PARP14: variants seen among roughly 807,000 people sequenced by gnomAD.
PARP14 encodes poly(ADP-ribose) polymerase family member 14.
PARP14 carries 59 observed loss-of-function variants against 154.2 expected under a neutral mutation model. That is an observed-to-expected ratio of 0.38 (90% CI 0.31 to 0.48). The LOEUF (loss-of-function observed/expected upper bound fraction) is 0.48. Among genes scored for constraint, PARP14 ranks in the 20% least tolerant of loss-of-function variants. The probability of loss-of-function intolerance (pLI) is 0.98; values close to 1 mark genes in which losing one functional copy is unlikely to be tolerated. For missense variants in PARP14, 1,734 were observed against 2,131.6 expected, an observed-to-expected ratio of 0.81 and a Z score of 3.67; for synonymous variants, 720 against 780.5, an observed-to-expected ratio of 0.92 and a Z score of 1.29.
rs546887108 is a variant in PARP14, at chr3:122,729,496, G to A, written c.*899G>A. ...GTTGCCCAGGCTGGAGTGCAATGGC[G>A]CGATCTCAGCTCACTGCAGCCACTG... is the stretch of plus-strand genomic sequence containing the variant. On this transcript the variant is annotated 3_prime_UTR_variant, in exon 17 of 17. Transcript: ENST00000474629. The A allele has an allele frequency of 1.2e-3, 189 of 151,294 alleles. No individual in the cohort carries two copies. The highest frequency in any genetic ancestry group is 4.4e-3 in the African/African-American group (179 of 40,662). The allele number at this position is 151,294 out of a possible 1,614,324, so 9.4% of individuals were successfully genotyped here.
In PARP14 at chr3:122,714,356, T is replaced by A. The variant is rs1932930921; in HGVS notation, c.3927T>A (p.Ser1309Arg). The stretch of plus-strand genomic sequence containing the variant: ...TAATTGGTGGAAATGATGTCAAGAG[T>A]TCAGTTTCCTCTGTTTTGCAGGAGT... ...IHVIGGNDVK[S>R]SVSSVLQECE... The change falls in exon 12 of 17, where the codon AGT becomes AGA. Residue 1309 changes from serine to arginine, a missense_variant. Transcript: ENST00000474629. 6.3e-7 allele frequency: 1 copy of A among 1,588,174 alleles called. No individual in the cohort carries two copies. The highest frequency in any genetic ancestry group is 1.9e-5 in the Admixed American group (1 of 51,660).
Position 122,701,133 on chromosome 3 carries a change from T to C in PARP14, c.2579T>C (p.Leu860Pro). The C allele has an allele frequency of 6.2e-7, 1 of 1,613,880 alleles. No homozygotes were observed. Among genetic ancestry groups the C allele is most frequent in the Non-Finnish European group, 8.5e-7 (1 of 1,179,864 alleles). Residue 860 changes from leucine to proline, a missense_variant, in exon 6 of 17, where the codon CTA (leucine) becomes CCA (proline). Around this residue, in one of 2 missense-constraint regions of PARP14, gnomAD observed 1,646 missense variants for 1,976.0 expected, o/e 0.83. Transcript: ENST00000474629. The surrounding 1 kb of genome is among the most constrained non-coding windows in gnomAD (Gnocchi z 4.0). Reference sequence around the variant, plus strand: ...ATAGTGAAGAGAGAGGGCAGACTCCTACCGGGCAATGCCACCATCTCCAAG... The same window carrying C: ...ATAGTGAAGAGAGAGGGCAGACTCCCACCGGGCAATGCCACCATCTCCAAG... Reference protein sequence around the residue: ...DQIVKREGRLLPGNATISKAG... With the variant: ...DQIVKREGRLPPGNATISKAG...
Position 122,695,405 on chromosome 3 carries a change from CTTT to C in PARP14, c.599-12_599-10del. The C allele has an allele frequency of 4.4e-6, 4 of 919,312 alleles. No homozygotes were observed. Among genetic ancestry groups the C allele is most frequent in the South Asian group, 1.8e-5 (1 of 54,092 alleles). The allele number at this position is 919,312 out of a possible 1,614,324, so 56.9% of individuals were successfully genotyped here. ...CAATAAAAATTTACTGATTTTCTTT[CTTT>C]TTTTTTTTGGTTTGTAGATACTATA... On this transcript the variant is annotated intron_variant, in intron 4 of 16. Coordinates refer to ENST00000474629, the MANE Select transcript of PARP14 (RefSeq NM_017554.3).
chr3:122,730,262 T>C lies in PARP14; in HGVS notation c.*1665T>C, dbSNP rs1933393711. On this transcript the variant is annotated 3_prime_UTR_variant, in exon 17 of 17. Transcript: ENST00000474629. ...ATGGCCTCTAGATTAATGCCACCGA[T>C]TCAGGAACACCTCCGACAGTCTTGA... The C allele has an allele frequency of 6.6e-6, 1 of 152,216 alleles. No individual in the cohort carries two copies. Among genetic ancestry groups the C allele is most frequent in the African/African-American group, 2.4e-5 (1 of 41,430 alleles). The allele number at this position is 152,216 out of a possible 1,614,324, so 9.4% of individuals were successfully genotyped here. A position where few individuals can be genotyped will look rare whatever the true frequency, so the allele number is the denominator to read the frequency against.
In PARP14 at chr3:122,713,434, G is replaced by A. The variant is rs747185363; in HGVS notation, c.3630G>A (p.Gly1210=). The change falls in exon 10 of 17, where the codon GGG becomes GGA. Residue 1210 remains glycine, a synonymous_variant. Coordinates refer to ENST00000474629, the MANE Select transcript of PARP14 (RefSeq NM_017554.3). The part of the protein sequence containing the change: ...PKAKDTQGFY[G]TVSSPDSGVY... ...TTCTTTTCTTTTCAGGTTTTTATGG[G>A]ACTGTTTCTAGCCCTGATTCAGGTG... is the stretch of plus-strand genomic sequence containing the variant. 1 of 1,609,790 alleles carries A rather than the reference G, an allele frequency of 6.2e-7. No homozygotes were observed. Among genetic ancestry groups the A allele is most frequent in the African/African-American group, 1.3e-5 (1 of 74,760 alleles).
intron 15 of PARP14, 24 bp from the exon 16 acceptor site, chr3:122,727,788 A>ATATT (rs773823841): frequency 6.5e-7 from 1 of 1,528,018 alleles, no homozygotes; most frequent in South Asian, 1.2e-5. Flanking sequence ...AACTGGCAGA[A>ATATT]TATTATCCTT....
rs1186965482 is a variant in PARP14 at position 122,729,248 on chromosome 3, T to G, written c.*651T>G. ...TGACGGAACTTCATTCTTCACAAAC[T>G]AGCCAGTGACATGTGGGACAGCTCT... On this transcript the variant is annotated 3_prime_UTR_variant, in exon 17 of 17. Transcript: ENST00000474629. 1 of 152,968 alleles carries G rather than the reference T, an allele frequency of 6.5e-6. No homozygotes were observed. The highest frequency in any genetic ancestry group is 1.5e-5 in the Non-Finnish European group (1 of 68,660). 9.5% of individuals were successfully genotyped at this position (152,968 alleles called of 1,614,324 possible). A position where few individuals can be genotyped will look rare whatever the true frequency, so the allele number is the denominator to read the frequency against.
At chr3:122,696,979 G>A (rs890373630) in intron 5 of PARP14, among the ~76,000 whole-genome samples, 3 of 151,848 alleles carry the variant, frequency 2.0e-5, no homozygotes, top group African/African-American at 7.3e-5. Context: ...TTTGAGACAG[G>A]GTCTCACTGT....
chr3:122,715,631 TATCTATCTATCTATCTATCTATCG>T (rs1163901507), intron 12 of PARP14, among the ~76,000 whole-genome samples: 4 of 138,214 alleles, frequency 2.9e-5, no homozygotes, highest in Non-Finnish European at 5.1e-5. Context: ...TCTATCTATC[TATCTATCTATCTATCTATCTATCG>T]ATCTGTCTAT....
chr3:122,692,275 T>C (rs766475840), intron 3 of PARP14, 26 bp from the exon 4 acceptor site: 1 of 1,596,972 alleles, frequency 6.3e-7, no homozygotes, highest in Admixed American at 1.7e-5. Flanking sequence ...TAACATCTTG[T>C]ACCTCTTTTG....
Position 122,708,228 on chromosome 3 carries a change from T to A in PARP14, c.3579T>A (p.Asn1193Lys), listed in dbSNP as rs1254891279. Residue 1193 changes from asparagine (N) to lysine (K), a missense_variant, in exon 9 of 17, where the codon AAT becomes AAA. Physicochemically the swap from Asn to Lys is moderately conservative, Grantham distance 94. Around this residue, in one of 2 missense-constraint regions of PARP14, gnomAD observed 1,646 missense variants for 1,976.0 expected, o/e 0.83. Transcript: ENST00000474629. ...SDEFARRANGNLVSDKIPKAK... is the reference protein window; with the variant it reads ...SDEFARRANGKLVSDKIPKAK... The stretch of plus-strand genomic sequence containing the variant: ...AATTTGCCAGAAGGGCTAATGGAAA[T>A]CTCGTCAGTGACAAAATTCCGAAGG... The A allele has an allele frequency of 6.3e-7, 1 of 1,576,104 alleles. No homozygotes were observed. The highest frequency in any genetic ancestry group is 1.8e-5 in the Admixed American group (1 of 54,844).
intron 3 of PARP14, among the ~76,000 whole-genome samples, chr3:122,691,708 GT>G (rs1421964342): frequency 6.6e-6 from 1 of 152,144 alleles, no homozygotes; most frequent in Admixed American, 6.6e-5. Flanking sequence ...ATAAACATGT[GT>G]CTCGCTTTTG....
At chr3:122,720,167 G>T in intron 14 of PARP14, 88 bp from the exon 15 acceptor site, 3 of 1,291,136 alleles carry the variant, frequency 2.3e-6, no homozygotes, top group East Asian at 4.9e-5. Context: ...GCTTAGAATT[G>T]GGAGATAGTA....
intron 9 of PARP14, among the ~76,000 whole-genome samples, chr3:122,708,567 CA>C (rs1451068502): frequency 6.6e-6 from 1 of 152,172 alleles, no homozygotes; most frequent in Non-Finnish European, 1.5e-5. Flanking sequence ...ATTTGAGAGA[CA>C]ATACTCACCA....
intron 4 of PARP14, among the ~76,000 whole-genome samples, chr3:122,693,918 C>T (rs896640690): frequency 6.6e-6 from 1 of 151,882 alleles, no homozygotes; most frequent in African/African-American, 2.4e-5. Context: ...GTAGTAATGA[C>T]TGAAAGGGAG....
intron 8 of PARP14, among the ~76,000 whole-genome samples, chr3:122,707,380 C>CAAATAAATAGAT (rs1553747194): frequency 7.2e-6 from 1 of 139,622 alleles, no homozygotes; most frequent in Non-Finnish European, 1.5e-5. Flanking sequence ...GACTCCATCT[C>CAAATAAATAGAT]AAATAAATAA....
rs1317563583 is a variant in PARP14, at chr3:122,716,606, G to C, written c.4001-1465G>C. ...GGAAAGGTGAAGGACAAACCCAGCT[G>C]GTCCCTAGGTACTCCTGACTTTACT... is the stretch of plus-strand genomic sequence containing the variant. On this transcript the variant is annotated intron_variant, in intron 12 of 16. Transcript: ENST00000474629. Among the ~76,000 whole-genome samples, 2 of 152,248 alleles carry C rather than the reference G, an allele frequency of 1.3e-5. 1 individual carries two copies. The highest frequency in any genetic ancestry group is 4.2e-4 in the South Asian group (2 of 4,816).
At chr3:122,727,532 G>A (rs1356938037) in intron 15 of PARP14, among the ~76,000 whole-genome samples, 3 of 152,292 alleles carry the variant, frequency 2.0e-5, no homozygotes, top group Middle Eastern at 3.4e-3. Flanking sequence ...CAGAGGCTGG[G>A]TCAGCAGAAT....
rs1411706253 is a variant in PARP14, at chr3:122,700,505, G to T, written c.1951G>T (p.Val651Leu). 6.2e-7 allele frequency: 1 copy of T among 1,607,458 alleles called. No individual in the cohort carries two copies. The highest frequency in any genetic ancestry group is 8.5e-7 in the Non-Finnish European group (1 of 1,176,472). The stretch of plus-strand genomic sequence containing the variant: ...AGCTGAAGTCATCATTACAGGCTGT[G>T]TAAAAGAAGTAAATGAAACCTATAA... ...TTAEVIITGC[V>L]KEVNETYKLL... Residue 651 changes from valine (V) to leucine (L), a missense_variant, in exon 6 of 17, where the codon GTA (valine) becomes TTA (leucine). Transcript: ENST00000474629.
Sources: allele counts gnomAD v4.1 joint callset (sites outside exome capture counted in the v4.1 genomes callset), GRCh38; gene constraint gnomAD v4.1.1; regional missense constraint gnomAD v4.1.1; non-coding constraint Gnocchi (gnomAD v3.1); transcripts MANE v1.5; gene names NCBI Gene and HGNC (gene_info 2026-07-23, HGNC 2026-07-21).